The following DYNC1I1 variants were observed in gnomAD, a reference collection of about 807,000 sequenced individuals.
The protein encoded by DYNC1I1 is cytoplasmic dynein 1 intermediate chain 1.
A neutral mutation model predicts 86.6 loss-of-function variants in DYNC1I1; 43 were observed. That is an observed-to-expected ratio of 0.50 (90% CI 0.39 to 0.64). DYNC1I1 has a LOEUF of 0.64. Among genes scored for constraint, DYNC1I1 ranks in the 30% least tolerant of loss-of-function variants. The probability of loss-of-function intolerance (pLI) is 0.00; values close to 1 mark genes in which losing one functional copy is unlikely to be tolerated. For missense variants in DYNC1I1, 604 were observed against 788.8 expected (o/e 0.77, Z 2.81); for synonymous variants, 262 against 283.7 (o/e 0.92, Z 0.77).
At chr7:96,061,836 T>A (rs1315960971) in intron 14 of DYNC1I1, among the ~76,000 whole-genome samples, 4 of 152,118 alleles carry the variant, frequency 2.6e-5, no homozygotes, top group Non-Finnish European at 4.4e-5. Flanking sequence ...AAGTCACATT[T>A]TCGTCAAGTT....
intron 9 of DYNC1I1, among the ~76,000 whole-genome samples, chr7:95,989,864 T>G (rs556910738): frequency 6.6e-6 from 1 of 152,132 alleles, no homozygotes; most frequent in African/African-American, 2.4e-5. Flanking sequence ...CACAACACTG[T>G]TGAGGGGTTC....
At chr7:96,041,021 C>T (rs2116047434) in intron 14 of DYNC1I1, among the ~76,000 whole-genome samples, 1 of 152,100 alleles carries the variant, frequency 6.6e-6, no homozygotes, top group African/African-American at 2.4e-5. Context: ...CACACCTGGC[C>T]CAGCAGTGGA....
intron 4 of DYNC1I1, among the ~76,000 whole-genome samples, chr7:95,814,866 G>T (rs1333919228): frequency 6.6e-6 from 1 of 152,116 alleles, no homozygotes; most frequent in East Asian, 1.9e-4. Context: ...GGCAGCACAT[G>T]TCTTCTCTCA....
chr7:95,880,016 G>A (rs1488530728), intron 6 of DYNC1I1, among the ~76,000 whole-genome samples: 3 of 152,194 alleles, frequency 2.0e-5, no homozygotes, highest in Admixed American at 6.5e-5. Context: ...CTGCATGGAA[G>A]AAGTAGTAAG....
At chr7:96,018,798 G>A (rs1423559872) in intron 10 of DYNC1I1, among the ~76,000 whole-genome samples, 1 of 152,190 alleles carries the variant, frequency 6.6e-6, no homozygotes. Flanking sequence ...TCTCAGTTGG[G>A]CTGGTTGTGA....
chr7:95,814,957 C>A (rs1471272913), intron 4 of DYNC1I1, among the ~76,000 whole-genome samples: 1 of 151,750 alleles, frequency 6.6e-6, no homozygotes, highest in East Asian at 2.0e-4. Context: ...AACATTTATT[C>A]AAGAGCTGGC....
At chr7:95,804,676 A>G in intron 1 of DYNC1I1, 45 bp from the exon 2 acceptor site, 2 of 1,495,678 alleles carry the variant, frequency 1.3e-6, no homozygotes, top group Non-Finnish European at 8.9e-7. Flanking sequence ...ATATACAGAA[A>G]AGTTATTTAT....
chr7:95,957,061 A>T (rs74917824), intron 6 of DYNC1I1, among the ~76,000 whole-genome samples: 9,014 of 152,276 alleles, frequency 0.059, 481 homozygotes, highest in African/African-American at 0.14. Context: ...GGAAACTCTG[A>T]TTCCAAATTA....
chr7:95,914,166 A>T (rs957736580), intron 6 of DYNC1I1, among the ~76,000 whole-genome samples: 4 of 152,236 alleles, frequency 2.6e-5, no homozygotes, highest in Non-Finnish European at 5.9e-5. Context: ...AGCACATTTC[A>T]TCTATGACAT....
At chr7:95,836,031 G>A (rs568373125) in intron 5 of DYNC1I1, among the ~76,000 whole-genome samples, 1,588 of 152,190 alleles carry the variant, frequency 0.01, 17 homozygotes, top group South Asian at 0.017. Flanking sequence ...TTAGCTGGTT[G>A]TTTTGCTCGT....
chr7:95,937,218 G>C lies in DYNC1I1; in HGVS notation c.491-40294G>C, dbSNP rs187322819. On this transcript the variant is annotated intron_variant, in intron 6 of 16. Coordinates refer to ENST00000447467, the MANE Select transcript of DYNC1I1 (RefSeq NM_001135556.2). Reference sequence around the variant, plus strand: ...AGGGTACGGAGTTTCAGTTACGTAGGGTGGATTAGTTCTAGAGCTCTAATG... The same window carrying C: ...AGGGTACGGAGTTTCAGTTACGTAGCGTGGATTAGTTCTAGAGCTCTAATG... Among the ~76,000 whole-genome samples the C allele has an allele frequency of 2.5e-3, 377 of 151,960 alleles. 1 individual carries two copies. The highest frequency in any genetic ancestry group is 4.7e-3 in the Admixed American group (71 of 15,256).
intron 6 of DYNC1I1, among the ~76,000 whole-genome samples, chr7:95,910,957 A>C (rs988386533): frequency 2.6e-5 from 4 of 152,200 alleles, no homozygotes; most frequent in Admixed American, 2.0e-4. Flanking sequence ...ATAATGGTGA[A>C]TATTAAAGAT....
intron 14 of DYNC1I1, among the ~76,000 whole-genome samples, chr7:96,054,177 C>T (rs988377651): frequency 3.3e-5 from 5 of 152,304 alleles, no homozygotes; most frequent in Admixed American, 6.5e-5. Flanking sequence ...TGATGTTCCC[C>T]TTTCTGTGTC....
intron 1 of DYNC1I1, among the ~76,000 whole-genome samples, chr7:95,796,394 C>T (rs1487463657): frequency 6.6e-6 from 1 of 152,100 alleles, no homozygotes; most frequent in Non-Finnish European, 1.5e-5. Flanking sequence ...ACTGCAACCT[C>T]CACCTCCCAG....
intron 10 of DYNC1I1, among the ~76,000 whole-genome samples, chr7:95,998,353 G>C (rs1269847579): frequency 6.6e-6 from 1 of 152,156 alleles, no homozygotes; most frequent in Non-Finnish European, 1.5e-5. Context: ...GTATATTTTT[G>C]GCCACCTACC....
At chr7:95,906,365 A>C (rs1376576367) in intron 6 of DYNC1I1, among the ~76,000 whole-genome samples, 3 of 152,210 alleles carry the variant, frequency 2.0e-5, no homozygotes, top group African/African-American at 7.2e-5. Flanking sequence ...AAAGTAAATG[A>C]GATATTGAAT....
chr7:95,783,047 C>T (rs753813385), intron 1 of DYNC1I1, among the ~76,000 whole-genome samples: 4 of 152,052 alleles, frequency 2.6e-5, no homozygotes, highest in Non-Finnish European at 4.4e-5. Flanking sequence ...TTAGAAAAGG[C>T]GACATTTGGG....
chr7:95,834,889 T>A (rs1789031896), intron 5 of DYNC1I1, among the ~76,000 whole-genome samples: 1 of 151,972 alleles, frequency 6.6e-6, no homozygotes, highest in South Asian at 2.1e-4. Flanking sequence ...TTGCTAGCAG[T>A]CTATGTATTT....
At chr7:96,053,360 A>G (rs2050872441) in intron 14 of DYNC1I1, among the ~76,000 whole-genome samples, 1 of 152,114 alleles carries the variant, frequency 6.6e-6, no homozygotes, top group Non-Finnish European at 1.5e-5. Flanking sequence ...GAATTATCTC[A>G]TCTGGCCTTT....
Sources: gnomAD v4.1 joint callset for allele counts (sites outside exome capture counted in the v4.1 genomes callset) on GRCh38, gnomAD v4.1.1 for gene constraint, MANE v1.5 for transcripts, NCBI Gene and HGNC (gene_info 2026-07-23, HGNC 2026-07-21) for gene names.